The following TRIM58 variants were observed in gnomAD, a reference collection of about 807,000 sequenced individuals.
TRIM58 encodes tripartite motif containing 58.
Under a neutral mutation model 34.1 loss-of-function variants are expected in TRIM58, and 38 were observed. That is an observed-to-expected ratio of 1.12 (90% CI 0.86 to 1.46). TRIM58 has a LOEUF of 1.46. Among genes scored for constraint, TRIM58 ranks in the 40% most tolerant of loss-of-function variants. The pLI is 0.00. For missense variants in TRIM58, 677 were observed against 642.0 expected (o/e 1.05, Z -0.59); for synonymous variants, 273 against 275.7 (o/e 0.99, Z 0.10).
At chr1:247,873,270 G>A (rs906364468) in intron 5 of TRIM58, among the ~76,000 whole-genome samples, 5 of 152,132 alleles carry the variant, frequency 3.3e-5, no homozygotes, top group Admixed American at 6.5e-5. Context: ...TCATCAACAC[G>A]GAGGTCCCTG....
chr1:247,867,751 A>G, intron 3 of TRIM58, 94 bp from the exon 4 acceptor site: 1 of 1,349,584 alleles, frequency 7.4e-7, no homozygotes, highest in South Asian at 1.2e-5. Flanking sequence ...AATGTTTTGC[A>G]GTAGTTTCTA....
chr1:247,873,720 C>T (rs984774985), intron 5 of TRIM58, among the ~76,000 whole-genome samples: 19 of 152,306 alleles, frequency 1.2e-4, no homozygotes, highest in Admixed American at 3.9e-4. Context: ...GTAATCCCAA[C>T]ATTTTGGGAG....
chr1:247,871,726 A>G (rs1441226300), intron 5 of TRIM58, among the ~76,000 whole-genome samples: 1 of 152,152 alleles, frequency 6.6e-6, no homozygotes, highest in Non-Finnish European at 1.5e-5. Context: ...ATTTTATCTC[A>G]CCCATTCTTT....
At position 247,857,547 on chromosome 1, in the gene TRIM58, G is replaced by A. The variant is rs539377117; in HGVS notation, c.301G>A (p.Glu101Lys). ...PGARRCARHG[E>K]DLSRFCEEDE... ...GGCGCGGCGATGCGCGCGGCACGGC[G>A]AGGACCTGAGCCGCTTCTGCGAGGA... The change falls in exon 1 of 6, where the codon GAG (glutamate) becomes AAG (lysine). Residue 101 changes from glutamate to lysine, a missense_variant. By Grantham distance (56) the Glu-to-Lys change is moderately conservative (BLOSUM62 1). Coordinates refer to ENST00000366481, the MANE Select transcript of TRIM58 (RefSeq NM_015431.4). 7.8e-7 allele frequency: 1 copy of A among 1,280,626 alleles called. No individual in the cohort carries two copies. The highest frequency in any genetic ancestry group is 1.5e-5 in the African/African-American group (1 of 64,540). The allele number at this position is 1,280,626 out of a possible 1,614,324, so 79.3% of individuals were successfully genotyped here.
chr1:247,869,036 A>G (rs1396957832), intron 5 of TRIM58, among the ~76,000 whole-genome samples: 2 of 152,138 alleles, frequency 1.3e-5, no homozygotes, highest in African/African-American at 4.8e-5. Flanking sequence ...AGTAGCTGGG[A>G]TTACAGGCAC....
chr1:247,860,504 T>C, intron 1 of TRIM58, 113 bp from the exon 2 acceptor site: 1 of 674,118 alleles, frequency 1.5e-6, no homozygotes, highest in Non-Finnish European at 2.5e-6. Context: ...TATTGAACAT[T>C]TTTATGTGCT....
At chr1:247,857,696 C>T (rs1558347526) in intron 1 of TRIM58, 30 bp downstream of exon 1, 16 of 1,215,618 alleles carry the variant, frequency 1.3e-5, no homozygotes, top group Non-Finnish European at 1.3e-5. Flanking sequence ...GGGCTGCGGG[C>T]GCTGCGGTGA....
chr1:247,878,709 A>G lies in TRIM58; in HGVS notation c.*2220A>G, dbSNP rs1659345287. On this transcript the variant is annotated 3_prime_UTR_variant, in exon 6 of 6. Coordinates refer to ENST00000366481, the MANE Select transcript of TRIM58 (RefSeq NM_015431.4). ...CCTGGGTGGGAGGGAGAACACCTCC[A>G]CATGTCTTCTACTCTCTCCATAGGA... Among the ~76,000 whole-genome samples, 1 of 152,188 alleles carries G rather than the reference A, an allele frequency of 6.6e-6. No homozygotes were observed. The highest frequency in any genetic ancestry group is 2.1e-4 in the South Asian group (1 of 4,828).
chr1:247,868,046 T>G lies in TRIM58; in HGVS notation c.854T>G (p.Leu285Arg). Residue 285 changes from leucine to arginine, a missense_variant, in exon 5 of 6, where the codon CTC becomes CGC. Leu to Arg is a moderately radical substitution (Grantham distance 102). Coordinates refer to ENST00000366481, the MANE Select transcript of TRIM58 (RefSeq NM_015431.4). ...TACCIPGRRE[L>R]LRKFQVDVKL... ...TGCTGCATCCCTGGGAGGAGGGAGC[T>G]CTTAAGGAAGTTCCAAGGTAGTTGC... 6.2e-7 allele frequency: 1 copy of G among 1,608,022 alleles called. No homozygotes were observed. Among genetic ancestry groups the G allele is most frequent in the South Asian group, 1.1e-5 (1 of 89,862 alleles).
intron 1 of TRIM58, among the ~76,000 whole-genome samples, chr1:247,858,599 C>T (rs953494633): frequency 3.3e-5 from 5 of 151,834 alleles, no homozygotes; most frequent in African/African-American, 4.8e-5. Context: ...ATATTTTCCC[C>T]TTCCTTCTCT....
At chr1:247,869,649 C>T (rs1664014793) in intron 5 of TRIM58, among the ~76,000 whole-genome samples, 2 of 152,206 alleles carry the variant, frequency 1.3e-5, no homozygotes, top group South Asian at 4.1e-4. Context: ...GACTCATGCA[C>T]TCCTCTTAAA....
chr1:247,865,215 G>A (rs1010084272), intron 3 of TRIM58, among the ~76,000 whole-genome samples: 3 of 152,084 alleles, frequency 2.0e-5, no homozygotes, highest in African/African-American at 7.2e-5. Flanking sequence ...GGATCGCTTG[G>A]GCCAAGGAAA....
rs73139879 is a variant in TRIM58, at chr1:247,876,916, C to T, written c.*427C>T. On this transcript the variant is annotated 3_prime_UTR_variant, in exon 6 of 6. Transcript: ENST00000366481. ...GTATCACCTCCTTAATTCTGTTTCT[C>T]CTCGTTTTCCTGATTTTCCTTCTCA... is the stretch of plus-strand genomic sequence containing the variant. 0.04 allele frequency: 6,670 copies of T among 165,446 alleles called. 490 individuals carry two copies. The highest frequency in any genetic ancestry group is 0.15 in the African/African-American group (6,248 of 41,612). The allele number at this position is 165,446 out of a possible 1,614,324, so 10.2% of individuals were successfully genotyped here. A position where few individuals can be genotyped will look rare whatever the true frequency, so the allele number is the denominator to read the frequency against.
chr1:247,864,995 A>G (rs1044471141), intron 3 of TRIM58, 60 bp downstream of exon 3: 1 of 1,413,236 alleles, frequency 7.1e-7, no homozygotes, highest in Non-Finnish European at 9.5e-7. Context: ...AGACTAGTAC[A>G]ATGGCTTTCA....
At chr1:247,869,332 A>C (rs1001154683) in intron 5 of TRIM58, among the ~76,000 whole-genome samples, 12 of 152,174 alleles carry the variant, frequency 7.9e-5, no homozygotes, top group Admixed American at 3.3e-4. Context: ...TGAGGCGTGA[A>C]GGACTGAAAG....
At position 247,857,607 on chromosome 1, in the gene TRIM58, G is replaced by T. The variant is rs984740245; in HGVS notation, c.361G>T (p.Gly121Cys). 2.4e-6 allele frequency: 3 copies of T among 1,257,950 alleles called. No homozygotes were observed. The highest frequency in any genetic ancestry group is 3.0e-6 in the Non-Finnish European group (3 of 1,004,688). 77.9% of individuals were successfully genotyped at this position (1,257,950 alleles called of 1,614,324 possible). A position where few individuals can be genotyped will look rare whatever the true frequency, so the allele number is the denominator to read the frequency against. Residue 121 changes from glycine to cysteine, a missense_variant, in exon 1 of 6, where the codon GGC (glycine) becomes TGC (cysteine). By Grantham distance (159) the Gly-to-Cys change is radical (BLOSUM62 -3). Transcript: ENST00000366481. Reference sequence around the variant, plus strand: ...GGCGCTGTGCTGGGTGTGCGACGCCGGCCCCGAGCACAGGACGCACCGCAC... The same window carrying T: ...GGCGCTGTGCTGGGTGTGCGACGCCTGCCCCGAGCACAGGACGCACCGCAC... ...EAALCWVCDA[G>C]PEHRTHRTAP...
chr1:247,865,663 TA>T (rs1255346935), intron 3 of TRIM58, among the ~76,000 whole-genome samples: 2 of 152,102 alleles, frequency 1.3e-5, no homozygotes, highest in Non-Finnish European at 2.9e-5. Context: ...GAAAGACGAG[TA>T]AGAGTGAAAG....
chr1:247,862,645 G>A (rs555308718), intron 2 of TRIM58, among the ~76,000 whole-genome samples: 3 of 152,174 alleles, frequency 2.0e-5, no homozygotes, highest in East Asian at 1.9e-4. Context: ...TCCCCATATC[G>A]GAGAGCTGAG....
intron 5 of TRIM58, 78 bp downstream of exon 5, chr1:247,868,141 G>C: frequency 1.6e-6 from 2 of 1,264,838 alleles, no homozygotes. Flanking sequence ...CTTAGAGACT[G>C]GGAATGAGGC....
Sources: gnomAD v4.1 joint callset for allele counts (sites outside exome capture counted in the v4.1 genomes callset) on GRCh38, gnomAD v4.1.1 for gene constraint, MANE v1.5 for transcripts, NCBI Gene and HGNC (gene_info 2026-07-23, HGNC 2026-07-21) for gene names.